RBM6: variants seen among roughly 807,000 people sequenced by gnomAD.
The protein encoded by RBM6 is RNA-binding protein 6.
RBM6 carries 23 observed loss-of-function variants against 140.4 expected under a neutral mutation model. That is an observed-to-expected ratio of 0.16 (90% CI 0.12 to 0.23). The LOEUF (loss-of-function observed/expected upper bound fraction) is 0.23. Ranked by LOEUF, RBM6 falls within the 10% of genes least tolerant of loss-of-function variation. The probability of loss-of-function intolerance (pLI) is 1.00; values close to 1 mark genes in which losing one functional copy is unlikely to be tolerated. For synonymous variants in RBM6, 439 were observed against 475.6 expected, an observed-to-expected ratio of 0.92 and a Z score of 1.00; for missense variants, 1,139 against 1,386.7, an observed-to-expected ratio of 0.82 and a Z score of 2.84.
intron 5 of RBM6, among the ~76,000 whole-genome samples, chr3:49,994,459 TG>T (rs1182754662): frequency 1.3e-5 from 2 of 152,184 alleles, no homozygotes; most frequent in Non-Finnish European, 2.9e-5. Context: ...TTCAGATACC[TG>T]GATCAATTCT....
intron 7 of RBM6, among the ~76,000 whole-genome samples, chr3:50,051,072 G>T (rs2089446728): frequency 6.6e-6 from 1 of 152,184 alleles, no homozygotes; most frequent in Non-Finnish European, 1.5e-5. Context: ...ATAAGGTGTG[G>T]CTCATGGCTG....
chr3:49,949,342 C>T (rs991111449), intron 1 of RBM6, among the ~76,000 whole-genome samples: 2 of 151,812 alleles, frequency 1.3e-5, no homozygotes, highest in Non-Finnish European at 1.5e-5. Flanking sequence ...TGAAACTTAA[C>T]GGAAGTACAT....
At chr3:49,977,437 A>G (rs190853149) in intron 5 of RBM6, among the ~76,000 whole-genome samples, 1 of 152,230 alleles carries the variant, frequency 6.6e-6, no homozygotes, top group Non-Finnish European at 1.5e-5. Context: ...GGATATTTCT[A>G]TCACTGGTAT....
intron 5 of RBM6, among the ~76,000 whole-genome samples, chr3:49,978,706 G>C: frequency 6.6e-6 from 1 of 152,238 alleles, no homozygotes; most frequent in South Asian, 2.1e-4. Flanking sequence ...ACTAACAGGA[G>C]TAAATAAAGT....
intron 1 of RBM6, among the ~76,000 whole-genome samples, chr3:49,951,905 T>A (rs2108586587): frequency 6.6e-6 from 1 of 152,230 alleles, no homozygotes; most frequent in East Asian, 1.9e-4. Context: ...GTATTTTTAG[T>A]AGAGACGGGG....
intron 6 of RBM6, among the ~76,000 whole-genome samples, chr3:50,019,515 CTTTTTCTTT>C (rs1179157761): frequency 6.6e-6 from 1 of 151,960 alleles, no homozygotes; most frequent in Non-Finnish European, 1.5e-5. Flanking sequence ...TCCTTTTCTT[CTTTTTCTTT>C]CTTTTCTTCC....
chr3:50,036,623 A>G (rs2088553530), intron 6 of RBM6, among the ~76,000 whole-genome samples: 1 of 152,200 alleles, frequency 6.6e-6, no homozygotes, highest in Non-Finnish European at 1.5e-5. Flanking sequence ...ATTTAACCAT[A>G]GCATGTCTTC....
rs1341162277 is a variant in RBM6, at chr3:50,015,298, G to T, written c.1557+15785G>T. 5.3e-5 allele frequency among the ~76,000 whole-genome samples: 8 copies of T among 150,946 alleles called. 1 individual carries two copies. The highest frequency in any genetic ancestry group is 5.3e-4 in the Admixed American group (8 of 15,152). ...AATTTTTGTATTTTTAGCAGAGGCGGGGTTTCACCATATTGGCCAGGCTGG... is the reference window on the plus strand; with the variant it reads ...AATTTTTGTATTTTTAGCAGAGGCGTGGTTTCACCATATTGGCCAGGCTGG... On this transcript the variant is annotated intron_variant, in intron 6 of 20. Coordinates refer to ENST00000266022, the MANE Select transcript of RBM6 (RefSeq NM_005777.3).
chr3:50,029,553 C>T (rs1362798683), intron 6 of RBM6, among the ~76,000 whole-genome samples: 1 of 151,698 alleles, frequency 6.6e-6, no homozygotes, highest in Non-Finnish European at 1.5e-5. Context: ...GCCAATATGG[C>T]GAAACCCCGT....
intron 5 of RBM6, among the ~76,000 whole-genome samples, chr3:49,997,706 G>A (rs1446940334): frequency 3.3e-5 from 5 of 152,140 alleles, no homozygotes; most frequent in African/African-American, 9.7e-5. Context: ...GTGCTAACAG[G>A]TGTCTTAGTT....
intron 6 of RBM6, among the ~76,000 whole-genome samples, chr3:50,010,140 G>A (rs2086774083): frequency 6.6e-6 from 1 of 152,120 alleles, no homozygotes; most frequent in Middle Eastern, 3.2e-3. Context: ...ACCCGTCTCG[G>A]CCTCCCAAAG....
At chr3:49,983,699 C>A (rs552359994) in intron 5 of RBM6, among the ~76,000 whole-genome samples, 58 of 152,220 alleles carry the variant, frequency 3.8e-4, no homozygotes, top group African/African-American at 1.4e-3. Context: ...TTGTTTTTAA[C>A]CAGGAGTCCT....
At chr3:49,945,448 T>C (rs2083446639) in intron 1 of RBM6, among the ~76,000 whole-genome samples, 1 of 152,110 alleles carries the variant, frequency 6.6e-6, no homozygotes, top group Non-Finnish European at 1.5e-5. Flanking sequence ...GTTGCACCAT[T>C]TTACATTCTG....
intron 6 of RBM6, among the ~76,000 whole-genome samples, chr3:50,028,038 T>A (rs1030362634): frequency 6.7e-6 from 1 of 148,790 alleles, no homozygotes; most frequent in Non-Finnish European, 1.5e-5. Flanking sequence ...TCTCTTGGGC[T>A]GTGTTTGGTT....
chr3:50,026,110 G>A (rs550118341), intron 6 of RBM6, among the ~76,000 whole-genome samples: 4 of 151,102 alleles, frequency 2.6e-5, no homozygotes, highest in Non-Finnish European at 2.9e-5. Context: ...TTTTTGAGAC[G>A]GAATCTCGCC....
chr3:49,962,640 A>G lies in RBM6; in HGVS notation c.-2A>G, dbSNP rs753915904. The G allele has an allele frequency of 6.3e-7, 1 of 1,587,690 alleles. No homozygotes were observed. The highest frequency in any genetic ancestry group is 8.5e-7 in the Non-Finnish European group (1 of 1,171,458). On this transcript the variant is annotated 5_prime_UTR_variant, in exon 2 of 21. Transcript: ENST00000266022. Reference sequence around the variant, plus strand: ...TTGTTGGGGCCCTCTTGATAAAAAGAGATGTGGGGGGATTCTCGACCTGCT... The same window carrying G: ...TTGTTGGGGCCCTCTTGATAAAAAGGGATGTGGGGGGATTCTCGACCTGCT...
intron 5 of RBM6, among the ~76,000 whole-genome samples, chr3:49,982,459 G>C (rs1437140355): frequency 6.6e-6 from 1 of 151,860 alleles, no homozygotes; most frequent in East Asian, 1.9e-4. Context: ...TTGTTGCCCA[G>C]GTTGGAGTGC....
At chr3:50,068,478 G>A (rs185192487) in intron 17 of RBM6, among the ~76,000 whole-genome samples, 1 of 152,218 alleles carries the variant, frequency 6.6e-6, no homozygotes, top group African/African-American at 2.4e-5. Context: ...TTGGAGATAA[G>A]TAAAATGATA....
At chr3:50,038,900 G>A (rs943603369) in intron 6 of RBM6, among the ~76,000 whole-genome samples, 1 of 152,158 alleles carries the variant, frequency 6.6e-6, no homozygotes, top group African/African-American at 2.4e-5. Flanking sequence ...TGTTGAGGTG[G>A]GGGATGTCCC....
Sources: allele counts gnomAD v4.1 joint callset (sites outside exome capture counted in the v4.1 genomes callset), GRCh38; gene constraint gnomAD v4.1.1; transcripts MANE v1.5; gene names NCBI Gene and HGNC (gene_info 2026-07-23, HGNC 2026-07-21).